LPAR3: variants seen among roughly 807,000 people sequenced by gnomAD.
LPAR3 encodes LPA receptor 3.
LPAR3 carries 7 observed loss-of-function variants against 17.8 expected under a neutral mutation model. The observed-to-expected ratio is 0.39, with a 90% CI of 0.22 to 0.74. The LOEUF (loss-of-function observed/expected upper bound fraction) is 0.74, where lower values mean the gene tolerates loss of function less well. LPAR3 is among the 30% of genes least tolerant of loss of function. The pLI is 0.40. For missense variants in LPAR3, 391 were observed against 453.4 expected, an observed-to-expected ratio of 0.86 and a Z score of 1.25; for synonymous variants, 179 against 179.9, an observed-to-expected ratio of 0.99 and a Z score of 0.04.
At chr1:84,831,515 C>T (rs912977838) in intron 2 of LPAR3, among the ~76,000 whole-genome samples, 3 of 145,286 alleles carry the variant, frequency 2.1e-5, no homozygotes, top group Admixed American at 7.1e-5. Flanking sequence ...CTTTACATTG[C>T]ATTATATATA....
chr1:84,814,244 C>A (rs1570850370), intron 2 of LPAR3, 73 bp from the exon 3 acceptor site: 2 of 1,307,942 alleles, frequency 1.5e-6, no homozygotes, highest in East Asian at 2.4e-5. Flanking sequence ...TCTCTCCCAG[C>A]CTTTAGCCAG....
intron 1 of LPAR3, among the ~76,000 whole-genome samples, chr1:84,886,120 A>G (rs1660454420): frequency 1.3e-5 from 2 of 152,200 alleles, no homozygotes; most frequent in South Asian, 4.1e-4. Context: ...CATATTGCAT[A>G]TTAGATCTCA....
chr1:84,844,548 A>G (rs755048429), intron 2 of LPAR3, among the ~76,000 whole-genome samples: 2 of 152,214 alleles, frequency 1.3e-5, no homozygotes, highest in Non-Finnish European at 2.9e-5. Flanking sequence ...GAATGCTTGG[A>G]GATGTATATA....
In LPAR3 at chr1:84,813,158, T is replaced by TATATATATAGAGAGAGAGAG. The variant is rs1206774677; in HGVS notation, c.*687_*688insCTCTCTCTCTCTATATATAT. On this transcript the variant is annotated 3_prime_UTR_variant, in exon 3 of 3. Coordinates refer to ENST00000370611, the MANE Select transcript of LPAR3 (RefSeq NM_012152.3). ...ATATATATATATATATATATATATATAGACACACACACACACACACACACA... is the reference window on the plus strand; with the variant it reads ...ATATATATATATATATATATATATATATATATATAGAGAGAGAGAGAGACACACACACACACACACACACA... The TATATATATAGAGAGAGAGAG allele has an allele frequency of 3.9e-5, 4 of 101,690 alleles. No individual in the cohort carries two copies. Among genetic ancestry groups the TATATATATAGAGAGAGAGAG allele is most frequent in the East Asian group, 2.7e-4 (1 of 3,676 alleles). The allele number at this position is 101,690 out of a possible 1,614,324, so 6.3% of individuals were successfully genotyped here.
intron 1 of LPAR3, among the ~76,000 whole-genome samples, chr1:84,875,788 C>A (rs1207333944): frequency 6.6e-6 from 1 of 152,144 alleles, no homozygotes; most frequent in Non-Finnish European, 1.5e-5. Context: ...AACTGTGGTA[C>A]CATATTCCCT....
intron 1 of LPAR3, among the ~76,000 whole-genome samples, chr1:84,888,307 T>C (rs954611487): frequency 5.3e-5 from 8 of 152,134 alleles, no homozygotes; most frequent in African/African-American, 1.9e-4. Flanking sequence ...ACCCATGTGA[T>C]AGTTTTTGTC....
intron 2 of LPAR3, among the ~76,000 whole-genome samples, chr1:84,833,890 T>G (rs1659342833): frequency 6.6e-6 from 1 of 152,110 alleles, no homozygotes; most frequent in Admixed American, 6.6e-5. Context: ...ATGGTCAAAC[T>G]CAAACTCAAG....
intron 1 of LPAR3, among the ~76,000 whole-genome samples, chr1:84,885,772 C>T (rs1660449607): frequency 6.6e-6 from 1 of 152,138 alleles, no homozygotes; most frequent in African/African-American, 2.4e-5. Context: ...ACAGAGGAGG[C>T]AGGATGACCT....
intron 1 of LPAR3, among the ~76,000 whole-genome samples, chr1:84,879,667 A>G (rs1389543607): frequency 6.6e-6 from 1 of 152,166 alleles, no homozygotes; most frequent in Non-Finnish European, 1.5e-5. Flanking sequence ...AGGACGCCCA[A>G]CTGTACACTC....
chr1:84,846,325 A>T (rs1659594377), intron 2 of LPAR3, among the ~76,000 whole-genome samples: 1 of 152,306 alleles, frequency 6.6e-6, no homozygotes, highest in East Asian at 1.9e-4. Context: ...CTTATTAGAG[A>T]GTCTCAAAAC....
At chr1:84,863,978 G>A (rs1280181543) in intron 2 of LPAR3, among the ~76,000 whole-genome samples, 1 of 152,092 alleles carries the variant, frequency 6.6e-6, no homozygotes, top group Non-Finnish European at 1.5e-5. Context: ...GTGGGAGGCC[G>A]AGGCAGGCGG....
chr1:84,848,996 C>T (rs1465871549), intron 2 of LPAR3, among the ~76,000 whole-genome samples: 1 of 152,136 alleles, frequency 6.6e-6, no homozygotes, highest in Non-Finnish European at 1.5e-5. Flanking sequence ...TCAGGCCTAA[C>T]TGTAAGATGC....
In LPAR3 at chr1:84,850,393, C is replaced by CAAAAAAAAAAAAAAAAAAAAAAAAA. The variant is rs561506398; in HGVS notation, c.736+14991_736+14992insTTTTTTTTTTTTTTTTTTTTTTTTT. Among the ~76,000 whole-genome samples the CAAAAAAAAAAAAAAAAAAAAAAAAA allele has an allele frequency of 1.3e-4, 5 of 38,734 alleles. 1 individual carries two copies. Among genetic ancestry groups the CAAAAAAAAAAAAAAAAAAAAAAAAA allele is most frequent in the Non-Finnish European group, 1.9e-4 (4 of 20,794 alleles). The allele number at this position is 38,734 out of a possible 152,430, so 25.4% of individuals were successfully genotyped here. A position where few individuals can be genotyped will look rare whatever the true frequency, so the allele number is the denominator to read the frequency against. On this transcript the variant is annotated intron_variant, in intron 2 of 2. Coordinates refer to ENST00000370611, the MANE Select transcript of LPAR3 (RefSeq NM_012152.3). Reference sequence around the variant, plus strand: ...GCAACATGGTGAAACTCTGTCTCTACAAAAAAAAAAAAAAAAAAAAAAAAG... The same window carrying CAAAAAAAAAAAAAAAAAAAAAAAAA: ...GCAACATGGTGAAACTCTGTCTCTACAAAAAAAAAAAAAAAAAAAAAAAAAAAAAAAAAAAAAAAAAAAAAAAAAG...
Position 84,813,930 on chromosome 1 carries a change from T to G in LPAR3, c.978A>C (p.Thr326=). The G allele has an allele frequency of 6.2e-7, 1 of 1,614,164 alleles. No homozygotes were observed. The highest frequency in any genetic ancestry group is 8.5e-7 in the Non-Finnish European group (1 of 1,180,022). The stretch of plus-strand genomic sequence containing the variant: ...TGCCTGTGTCACTCCTGCTGAGGAC[T>G]GTGGAGGGGATGCGAGAGGGACGCC... ...PERRPSRIPS[T]VLSRSDTGSQ... is the part of the protein sequence containing the mutation. The change falls in exon 3 of 3, where the codon ACA becomes ACC. Residue 326 remains threonine (T), a synonymous_variant. Transcript: ENST00000370611.
intron 1 of LPAR3, among the ~76,000 whole-genome samples, chr1:84,882,817 TA>T (rs1660390171): frequency 6.6e-6 from 1 of 151,928 alleles, no homozygotes; most frequent in Non-Finnish European, 1.5e-5. Flanking sequence ...TAAAGTATAA[TA>T]ATAAAAAAAA....
chr1:84,890,284 A>C (rs1233503415), intron 1 of LPAR3, among the ~76,000 whole-genome samples: 1 of 152,218 alleles, frequency 6.6e-6, no homozygotes, highest in African/African-American at 2.4e-5. Flanking sequence ...AGTGTGTATA[A>C]CATCTCTAAG....
chr1:84,817,261 T>TCA (rs71097861), intron 2 of LPAR3, among the ~76,000 whole-genome samples: 5,152 of 147,458 alleles, frequency 0.035, 159 homozygotes, highest in African/African-American at 0.076. Flanking sequence ...CCAGGATCTA[T>TCA]CACACACACA....
In LPAR3 at chr1:84,827,321, T is replaced by C. The variant is rs1006490614; in HGVS notation, c.737-13150A>G. Reference sequence around the variant, plus strand: ...AGAGCACAACTCTGGCTGGTCCCCATTGGAAAACAGGGGCTGGGGGAGATG... The same window carrying C: ...AGAGCACAACTCTGGCTGGTCCCCACTGGAAAACAGGGGCTGGGGGAGATG... On this transcript the variant is annotated intron_variant, in intron 2 of 2. Transcript: ENST00000370611. Among the ~76,000 whole-genome samples the C allele has an allele frequency of 7.9e-5, 12 of 152,166 alleles. No individual in the cohort carries two copies. In the South Asian group the frequency reaches 8.3e-4, roughly 11 times the overall value.
chr1:84,880,677 C>T (rs762552057), intron 1 of LPAR3, among the ~76,000 whole-genome samples: 13 of 152,158 alleles, frequency 8.5e-5, no homozygotes, highest in Admixed American at 2.6e-4. Context: ...GATTTGGATG[C>T]GGTAACTGAC....
Sources: gnomAD v4.1 joint callset for allele counts (sites outside exome capture counted in the v4.1 genomes callset) on GRCh38, gnomAD v4.1.1 for gene constraint, MANE v1.5 for transcripts, NCBI Gene and HGNC (gene_info 2026-07-23, HGNC 2026-07-21) for gene names.